Variants in KIFC1 observed in about 807,000 individuals in gnomAD.
The protein encoded by KIFC1 is kinesin-like protein KIFC1.
In KIFC1, 37 loss-of-function variants were observed where a neutral mutation model predicts 66.6. That is an observed-to-expected ratio of 0.56 (90% confidence interval 0.43 to 0.73). KIFC1 has a LOEUF of 0.73. Ranked by LOEUF, KIFC1 falls within the 30% of genes least tolerant of loss-of-function variation. KIFC1 has a pLI of 0.00. For synonymous variants in KIFC1, 325 were observed against 343.5 expected (o/e 0.95, Z 0.60); for missense variants, 721 against 859.8 (o/e 0.84, Z 2.02).
At position 33,400,977 on chromosome 6, in the gene KIFC1, C is replaced by A. The variant is rs574619964; in HGVS notation, c.251-2337C>A. ...AACTTTTTGACTCTTGTAATAACAA[C>A]TGAAAACACAAACATTGTATAGCTT... On this transcript the variant is annotated intron_variant, in intron 3 of 10. Transcript: ENST00000428849. This position sits in a 1 kb window ranked among gnomAD's most constrained non-coding sequence, Gnocchi z 4.3. 3.2e-4 allele frequency among the ~76,000 whole-genome samples: 48 copies of A among 152,200 alleles called. No individual in the cohort carries two copies. Among genetic ancestry groups the A allele is most frequent in the Admixed American group, 1.6e-3 (24 of 15,284 alleles).
In KIFC1 at chr6:33,405,300, A is replaced by G; in HGVS notation, c.1205A>G (p.Tyr402Cys). 3 of 1,614,130 alleles carry G rather than the reference A, an allele frequency of 1.9e-6. No individual in the cohort carries two copies. Among genetic ancestry groups the G allele is most frequent in the Non-Finnish European group, 2.5e-6 (3 of 1,180,026 alleles). The change falls in exon 7 of 11, where the codon TAT (tyrosine) becomes TGT (cysteine). Residue 402 changes from tyrosine (Y) to cysteine (C), a missense_variant. Coordinates refer to ENST00000428849, the MANE Select transcript of KIFC1 (RefSeq NM_002263.4). This position sits in a 1 kb window ranked among gnomAD's most constrained non-coding sequence, Gnocchi z 5.4. ...AMLVQSALDG[Y>C]PVCIFAYGQT... ...CTTGTCCAGTCAGCCCTGGATGGCT[A>G]TCCAGTATGCATCTTTGCCTATGGC...
chr6:33,403,382 G>A lies in KIFC1; in HGVS notation c.304+15G>A. 2 of 1,613,968 alleles carry A rather than the reference G, an allele frequency of 1.2e-6. No homozygotes were observed. The highest frequency in any genetic ancestry group is 1.7e-6 in the Non-Finnish European group (2 of 1,179,828). On this transcript the variant is annotated intron_variant, in intron 4 of 10. Transcript: ENST00000428849. This position sits in a 1 kb window ranked among gnomAD's most constrained non-coding sequence, Gnocchi z 4.6. ...TATTGCCACAGGTAACTGTGCTCAAGAGCTGGGTCTGAGAAGGGATTTGGG... is the reference window on the plus strand; with the variant it reads ...TATTGCCACAGGTAACTGTGCTCAAAAGCTGGGTCTGAGAAGGGATTTGGG...
In KIFC1 at chr6:33,404,950, G is replaced by A. The variant is rs953544118; in HGVS notation, c.855G>A (p.Glu285=). 1.1e-5 allele frequency: 18 copies of A among 1,614,050 alleles called. No individual in the cohort carries two copies. The highest frequency in any genetic ancestry group is 4.5e-5 in the East Asian group (2 of 44,882). The part of the protein sequence containing the change: ...ETVAQAALLT[E]REERLHGLEM... ...TGGCCCAGGCAGCCTTACTGACTGA[G>A]CGGGAAGAACGTCTTCATGGGCTAG... Residue 285 remains glutamate (E), a synonymous_variant, in exon 7 of 11, where the codon GAG becomes GAA. Coordinates refer to ENST00000428849, the MANE Select transcript of KIFC1 (RefSeq NM_002263.4). This position sits in a 1 kb window ranked among gnomAD's most constrained non-coding sequence, Gnocchi z 4.0.
chr6:33,406,966 A>T lies in KIFC1; in HGVS notation c.1977+91A>T. The T allele has an allele frequency of 6.4e-7, 1 of 1,559,386 alleles. No homozygotes were observed. The highest frequency in any genetic ancestry group is 2.3e-5 in the East Asian group (1 of 43,636). On this transcript the variant is annotated intron_variant, in intron 10 of 10. Transcript: ENST00000428849. This position sits in a 1 kb window ranked among gnomAD's most constrained non-coding sequence, Gnocchi z 4.5. ...CCTTTTGTCTTCTAGGGCAGGGAGCACATTTGTGCAGAAAGGTTTTGCAGG... is the reference window on the plus strand; with the variant it reads ...CCTTTTGTCTTCTAGGGCAGGGAGCTCATTTGTGCAGAAAGGTTTTGCAGG...
rs765151025 is a variant in KIFC1 at position 33,400,932 on chromosome 6, G to A, written c.251-2382G>A. 3.0e-4 allele frequency among the ~76,000 whole-genome samples: 46 copies of A among 151,770 alleles called. No homozygotes were observed. The highest frequency in any genetic ancestry group is 5.3e-4 in the Non-Finnish European group (36 of 67,882). ...TTCCCAAAGTGTTGGGATTACAGGC[G>A]TGAGCCACTGCGCCCGGCTAACTTT... On this transcript the variant is annotated intron_variant, in intron 3 of 10. Coordinates refer to ENST00000428849, the MANE Select transcript of KIFC1 (RefSeq NM_002263.4). This position sits in a 1 kb window ranked among gnomAD's most constrained non-coding sequence, Gnocchi z 4.3.
In KIFC1 at chr6:33,400,608, G is replaced by A. The variant is rs780692158; in HGVS notation, c.250+2221G>A. Reference sequence around the variant, plus strand: ...CCCAGATTCAGGATGACCGAAGAAAGTTGCACCTTGGCCTCCTCCGAGCCG... The same window carrying A: ...CCCAGATTCAGGATGACCGAAGAAAATTGCACCTTGGCCTCCTCCGAGCCG... On this transcript the variant is annotated intron_variant, in intron 3 of 10. Transcript: ENST00000428849. The surrounding 1 kb of genome is among the most constrained non-coding windows in gnomAD (Gnocchi z 4.3). 1.8e-4 allele frequency: 167 copies of A among 944,566 alleles called. No homozygotes were observed. Among genetic ancestry groups the A allele is most frequent in the Admixed American group, 1.0e-3 (51 of 49,780 alleles). The allele number at this position is 944,566 out of a possible 1,614,324, so 58.5% of individuals were successfully genotyped here.
Position 33,403,708 on chromosome 6 carries a change from T to A in KIFC1, c.356-21T>A, listed in dbSNP as rs1434919835. On this transcript the variant is annotated intron_variant, in intron 5 of 10. Coordinates refer to ENST00000428849, the MANE Select transcript of KIFC1 (RefSeq NM_002263.4). The surrounding 1 kb of genome is among the most constrained non-coding windows in gnomAD (Gnocchi z 4.6). ...AGAGCCTAGACTTCACTGACCTTTG[T>A]CCTTTCTGTGTTCATCTTAGCATCA... 9.3e-6 allele frequency: 15 copies of A among 1,606,924 alleles called. No homozygotes were observed. Among genetic ancestry groups the A allele is most frequent in the Non-Finnish European group, 1.3e-5 (15 of 1,175,846 alleles).
In KIFC1 at chr6:33,403,712, T is replaced by C. The variant is rs1775491823; in HGVS notation, c.356-17T>C. ...CCTAGACTTCACTGACCTTTGTCCT[T>C]TCTGTGTTCATCTTAGCATCAGGTG... On this transcript the variant is annotated splice_polypyrimidine_tract_variant and intron_variant, in intron 5 of 10. Transcript: ENST00000428849. The surrounding 1 kb of genome is among the most constrained non-coding windows in gnomAD (Gnocchi z 4.6). 6.2e-7 allele frequency: 1 copy of C among 1,607,628 alleles called. No homozygotes were observed. The highest frequency in any genetic ancestry group is 2.2e-5 in the East Asian group (1 of 44,830).
chr6:33,408,348 C>T (rs1775750332), intron 10 of KIFC1, among the ~76,000 whole-genome samples: 1 of 152,240 alleles, frequency 6.6e-6, no homozygotes, highest in Non-Finnish European at 1.5e-5. Context: ...GTTGCTTCCT[C>T]TTTCCCCCAT....
intron 1 of KIFC1, among the ~76,000 whole-genome samples, chr6:33,397,406 TC>T: frequency 6.6e-6 from 1 of 150,970 alleles, no homozygotes; most frequent in Non-Finnish European, 1.5e-5. Flanking sequence ...CAGGCGATTC[TC>T]CTGACTCAGC....
In KIFC1 at chr6:33,400,461, G is replaced by A. The variant is rs1297621649; in HGVS notation, c.250+2074G>A. On this transcript the variant is annotated intron_variant, in intron 3 of 10. Coordinates refer to ENST00000428849, the MANE Select transcript of KIFC1 (RefSeq NM_002263.4). This position sits in a 1 kb window ranked among gnomAD's most constrained non-coding sequence, Gnocchi z 4.3. ...TTTTTGGAGACAGACCCAGGGGGCC[G>A]ATCTTGGGGGCCAGGGCAGAAGTGG... 3 of 1,602,502 alleles carry A rather than the reference G, an allele frequency of 1.9e-6. No individual in the cohort carries two copies. Among genetic ancestry groups the A allele is most frequent in the Non-Finnish European group, 2.6e-6 (3 of 1,173,774 alleles).
At position 33,405,165 on chromosome 6, in the gene KIFC1, G is replaced by C. The variant is rs141821606; in HGVS notation, c.1070G>C (p.Arg357Pro). 2 of 1,614,114 alleles carry C rather than the reference G, an allele frequency of 1.2e-6. No individual in the cohort carries two copies. The highest frequency in any genetic ancestry group is 1.7e-6 in the Non-Finnish European group (2 of 1,180,028). The change falls in exon 7 of 11, where the codon CGT (arginine) becomes CCT (proline). Residue 357 changes from arginine to proline, a missense_variant. Transcript: ENST00000428849. The surrounding 1 kb of genome is among the most constrained non-coding windows in gnomAD (Gnocchi z 5.4). ...RLSLSRSDER[R>P]GTLSGAPAPP... ...AGCCTCTCCCGGTCTGACGAGCGGC[G>C]TGGGACCCTGAGTGGGGCACCAGCT... is the stretch of plus-strand genomic sequence containing the variant.
In KIFC1 at chr6:33,405,769, T is replaced by C; in HGVS notation, c.1536+138T>C. 1 of 933,412 alleles carries C rather than the reference T, an allele frequency of 1.1e-6. No homozygotes were observed. Among genetic ancestry groups the C allele is most frequent in the Non-Finnish European group, 1.5e-6 (1 of 660,784 alleles). 57.8% of individuals were successfully genotyped at this position (933,412 alleles called of 1,614,324 possible). ...TATCAGGCTGGGTTACCACATCCGGTTTTGGCCTGTGGGCTGTCGGTAGAT... is the reference window on the plus strand; with the variant it reads ...TATCAGGCTGGGTTACCACATCCGGCTTTGGCCTGTGGGCTGTCGGTAGAT... On this transcript the variant is annotated intron_variant, in intron 7 of 10. Transcript: ENST00000428849. This position sits in a 1 kb window ranked among gnomAD's most constrained non-coding sequence, Gnocchi z 5.4.
chr6:33,395,326 A>G (rs1774980322), intron 1 of KIFC1, among the ~76,000 whole-genome samples: 1 of 152,186 alleles, frequency 6.6e-6, no homozygotes, highest in East Asian at 1.9e-4. Context: ...GTGATGCCAT[A>G]GAGTACAAAG....
chr6:33,398,855 C>T (rs1049605797), intron 3 of KIFC1, among the ~76,000 whole-genome samples: 3 of 152,150 alleles, frequency 2.0e-5, no homozygotes, highest in Non-Finnish European at 2.9e-5. Flanking sequence ...CTATTTCTGT[C>T]CTCCAGCCAC....
chr6:33,392,182 G>C (rs1774821610), intron 1 of KIFC1, among the ~76,000 whole-genome samples, 185 bp downstream of exon 1: 2 of 152,242 alleles, frequency 1.3e-5, no homozygotes, highest in Non-Finnish European at 2.9e-5. Context: ...GAGCACCCGG[G>C]GAGGTCGGAA....
In KIFC1 at chr6:33,403,946, T is replaced by G. The variant is rs373451177; in HGVS notation, c.573T>G (p.His191Gln). ...LGTERTTLEG[H>Q]LAKVQAQAEQ... is the part of the protein sequence containing the mutation. ...CAGAGCGCACAACACTGGAGGGGCA[T>G]TTAGCCAAGGTACAGGCCCAGGCTG... Residue 191 changes from histidine to glutamine, a missense_variant, in exon 6 of 11, where the codon CAT becomes CAG. Physicochemically the swap from His to Gln is conservative, Grantham distance 24. Coordinates refer to ENST00000428849, the MANE Select transcript of KIFC1 (RefSeq NM_002263.4). This position sits in a 1 kb window ranked among gnomAD's most constrained non-coding sequence, Gnocchi z 4.6. 6.2e-7 allele frequency: 1 copy of G among 1,614,040 alleles called. No individual in the cohort carries two copies. The highest frequency in any genetic ancestry group is 1.3e-5 in the African/African-American group (1 of 74,902).
intron 10 of KIFC1, chr6:33,407,179 C>T (rs1775710095): frequency 5.2e-6 from 4 of 769,840 alleles, no homozygotes; most frequent in Non-Finnish European, 5.5e-6. Context: ...GAGGCCAAGG[C>T]AGGAGGATTG....
At chr6:33,396,760 CA>C (rs1775064106) in intron 1 of KIFC1, among the ~76,000 whole-genome samples, 1 of 151,392 alleles carries the variant, frequency 6.6e-6, no homozygotes, top group Non-Finnish European at 1.5e-5. Context: ...TGGCTCACTG[CA>C]AGCTCCGCCT....
Sources: gnomAD v4.1 joint callset for allele counts (sites outside exome capture counted in the v4.1 genomes callset) on GRCh38, gnomAD v4.1.1 for gene constraint, Gnocchi (gnomAD v3.1) non-coding constraint, MANE v1.5 for transcripts, NCBI Gene and HGNC (gene_info 2026-07-23, HGNC 2026-07-21) for gene names.